Variants in TP63 observed in about 807,000 individuals in gnomAD.
TP63 encodes tumor protein 63.
TP63 carries 17 observed loss-of-function variants against 82.8 expected under a neutral mutation model. The ratio of observed to expected loss-of-function variants is 0.21; its 90% CI spans 0.14 to 0.31. The LOEUF is 0.31. Among genes scored for constraint, TP63 ranks in the 10% least tolerant of loss-of-function variants. TP63 has a pLI of 1.00. For missense variants in TP63, 648 were observed against 895.3 expected, an observed-to-expected ratio of 0.72 and a Z score of 3.52; for synonymous variants, 330 against 321.7, an observed-to-expected ratio of 1.03 and a Z score of -0.28.
chr3:189,736,128 ATATATT>A (rs1720574800), intron 1 of TP63, among the ~76,000 whole-genome samples: 1 of 148,570 alleles, frequency 6.7e-6, no homozygotes, highest in African/African-American at 2.4e-5. Context: ...TTTAAATGAT[ATATATT>A]TATATCATTT....
Position 189,896,821 on chromosome 3 carries a change from TA to T in TP63, c.*2323del. The T allele has an allele frequency of 4.7e-6, 1 of 210,738 alleles. No homozygotes were observed. Among genetic ancestry groups the T allele is most frequent in the Non-Finnish European group, 9.7e-6 (1 of 103,598 alleles). The allele number at this position is 210,738 out of a possible 1,614,324, so 13.1% of individuals were successfully genotyped here. On this transcript the variant is annotated 3_prime_UTR_variant, in exon 14 of 14. Coordinates refer to ENST00000264731, the MANE Select transcript of TP63 (RefSeq NM_003722.5). ...GTGTATGAGTAGCCAGGGTAAGGGG[TA>T]AAAGGATAGTAAGCATAGAAACCAC...
At chr3:189,720,817 A>G (rs1322137829) in intron 1 of TP63, among the ~76,000 whole-genome samples, 3 of 151,912 alleles carry the variant, frequency 2.0e-5, no homozygotes, top group African/African-American at 7.3e-5. Context: ...TCTGCTACAC[A>G]TTCATTATCC....
At chr3:189,611,020 C>A in the TP63 span, among the ~76,000 whole-genome samples, 2 of 152,252 alleles carry the variant, frequency 1.3e-5, no homozygotes, top group Admixed American at 1.3e-4. Flanking sequence ...CCCCATCATT[C>A]AATTACCTCC....
chr3:189,607,542 T>C, the TP63 span, among the ~76,000 whole-genome samples: 45 of 152,102 alleles, frequency 3.0e-4, no homozygotes, highest in African/African-American at 8.9e-4. Flanking sequence ...TAGAGTAAAA[T>C]GGATAAGTAA....
chr3:189,666,403 T>G (rs548471381), intron 1 of TP63, among the ~76,000 whole-genome samples: 1 of 152,098 alleles, frequency 6.6e-6, no homozygotes, highest in Admixed American at 6.6e-5. Context: ...AAATAATGAT[T>G]ATATGAAGTT....
chr3:189,729,582 T>G lies in TP63; in HGVS notation c.63-8158T>G, dbSNP rs1445777471. On this transcript the variant is annotated intron_variant, in intron 1 of 13. Coordinates refer to ENST00000264731, the MANE Select transcript of TP63 (RefSeq NM_003722.5). ...AATTTTTGTTCAAATTGTGGCAAAT[T>G]GAGATATTAAGGCATACACAATGCT... Among the ~76,000 whole-genome samples, 6 of 152,324 alleles carry G rather than the reference T, an allele frequency of 3.9e-5. No individual in the cohort carries two copies. In the East Asian group the frequency reaches 1.2e-3, roughly 29 times the overall value.
chr3:189,730,445 CTT>C (rs569048334), intron 1 of TP63, among the ~76,000 whole-genome samples: 86 of 152,286 alleles, frequency 5.6e-4, no homozygotes, highest in African/African-American at 1.9e-3. Flanking sequence ...AAATATTCCT[CTT>C]AACTATGAAA....
At chr3:189,746,815 T>TTA (rs1721411446) in intron 3 of TP63, among the ~76,000 whole-genome samples, 1 of 150,238 alleles carries the variant, frequency 6.7e-6, no homozygotes, top group Admixed American at 6.6e-5. Context: ...TCAATATATT[T>TTA]TATATACACA....
chr3:189,829,757 G>C (rs1712015121), intron 4 of TP63, among the ~76,000 whole-genome samples: 1 of 152,122 alleles, frequency 6.6e-6, no homozygotes, highest in African/African-American at 2.4e-5. Context: ...TGCAGGTTTT[G>C]CCATTACTTT....
At chr3:189,787,229 A>C (rs1051958079) in intron 3 of TP63, among the ~76,000 whole-genome samples, 2 of 152,104 alleles carry the variant, frequency 1.3e-5, no homozygotes, top group Non-Finnish European at 2.9e-5. Flanking sequence ...AGATGAGCAA[A>C]CTGAGGGACA....
chr3:189,857,843 G>A (rs1166644733), intron 4 of TP63, among the ~76,000 whole-genome samples: 2 of 152,304 alleles, frequency 1.3e-5, no homozygotes, highest in East Asian at 1.9e-4. Flanking sequence ...AACTGTTAGC[G>A]AGGATGTGGA....
rs201271580 is a variant in TP63 at position 189,809,307 on chromosome 3, T to TA, written c.579+787dup. On this transcript the variant is annotated intron_variant, in intron 4 of 13. Coordinates refer to ENST00000264731, the MANE Select transcript of TP63 (RefSeq NM_003722.5). The stretch of plus-strand genomic sequence containing the variant: ...AAGAATTAGTCCAAAGAAATTGTTT[T>TA]AAAAAATCTTTCTGTATATAACTTT... 7.3e-3 allele frequency among the ~76,000 whole-genome samples: 1,109 copies of TA among 152,278 alleles called. 11 individuals carry two copies. The highest frequency in any genetic ancestry group is 0.026 in the African/African-American group (1,078 of 41,566).
chr3:189,797,917 C>T (rs1010254803), intron 3 of TP63, among the ~76,000 whole-genome samples: 1 of 152,018 alleles, frequency 6.6e-6, no homozygotes, highest in Admixed American at 6.6e-5. Context: ...GAAACTTAAC[C>T]CTGAAAAAGC....
chr3:189,799,137 C>T (rs546255915), intron 3 of TP63, among the ~76,000 whole-genome samples: 2 of 152,156 alleles, frequency 1.3e-5, no homozygotes, highest in South Asian at 4.1e-4. Context: ...AGTGTTTCAA[C>T]CTTTAAGTGT....
intron 1 of TP63, among the ~76,000 whole-genome samples, chr3:189,659,660 T>C (rs1325704172): frequency 6.6e-6 from 1 of 152,162 alleles, no homozygotes; most frequent in Non-Finnish European, 1.5e-5. Context: ...GTGGCTGAAC[T>C]AATTTACATT....
chr3:189,802,468 T>A (rs1726417893), intron 3 of TP63, among the ~76,000 whole-genome samples: 1 of 152,218 alleles, frequency 6.6e-6, no homozygotes, highest in African/African-American at 2.4e-5. Flanking sequence ...TAACGTAGCT[T>A]CACAGATGAG....
At position 189,894,262 on chromosome 3, in the gene TP63, C is replaced by T. The variant is rs774812882; in HGVS notation, c.1803C>T (p.Ile601=). The stretch of plus-strand genomic sequence containing the variant: ...TTCGACATGCGATCTGGAAGGGCAT[C>T]CTGGACCACCGGCAGCTCCACGAAT... ...EQFRHAIWKG[I]LDHRQLHEFS... Residue 601 remains isoleucine (I), a synonymous_variant, in exon 14 of 14, where the codon ATC becomes ATT. Coordinates refer to ENST00000264731, the MANE Select transcript of TP63 (RefSeq NM_003722.5). 2 of 1,613,942 alleles carry T rather than the reference C, an allele frequency of 1.2e-6. No individual in the cohort carries two copies. Among genetic ancestry groups the T allele is most frequent in the African/African-American group, 2.7e-5 (2 of 74,904 alleles).
At chr3:189,687,440 G>A (rs772820168) in intron 1 of TP63, among the ~76,000 whole-genome samples, 13 of 152,156 alleles carry the variant, frequency 8.5e-5, no homozygotes, top group Non-Finnish European at 1.8e-4. Flanking sequence ...TTTGATGCTT[G>A]CCTGTTACTT....
At chr3:189,625,605 G>C in the TP63 span, among the ~76,000 whole-genome samples, 1 of 152,102 alleles carries the variant, frequency 6.6e-6, no homozygotes, top group Non-Finnish European at 1.5e-5. Context: ...ATTGAACTGA[G>C]ATCATGTAAG....
Sources: allele counts gnomAD v4.1 joint callset (sites outside exome capture counted in the v4.1 genomes callset), GRCh38; gene constraint gnomAD v4.1.1; transcripts MANE v1.5; gene names NCBI Gene and HGNC (gene_info 2026-07-23, HGNC 2026-07-21).